B3GALT1: variants seen among roughly 807,000 people sequenced by gnomAD.
B3GALT1 encodes beta-1,3-galactosyltransferase 1.
In B3GALT1, 10 loss-of-function variants were observed where a neutral mutation model predicts 23.2. The observed-to-expected ratio is 0.43, with a 90% confidence interval of 0.27 to 0.73. The LOEUF (loss-of-function observed/expected upper bound fraction) is 0.73, where lower values mean the gene tolerates loss of function less well. Among genes scored for constraint, B3GALT1 ranks in the 30% least tolerant of loss-of-function variants. B3GALT1 has a pLI of 0.21. For missense variants in B3GALT1, 299 were observed against 405.4 expected (o/e 0.74, Z 2.25); for synonymous variants, 156 against 141.5 (o/e 1.10, Z -0.73).
intron 4 of B3GALT1, among the ~76,000 whole-genome samples, chr2:167,830,337 T>C (rs1234533920): frequency 6.6e-6 from 1 of 151,274 alleles, no homozygotes; most frequent in Non-Finnish European, 1.5e-5. Flanking sequence ...GGAAAGACAT[T>C]AAGCGGGAAC....
At chr2:167,568,710 G>A (rs185676814) in intron 2 of B3GALT1, among the ~76,000 whole-genome samples, 1 of 151,748 alleles carries the variant, frequency 6.6e-6, no homozygotes, top group Non-Finnish European at 1.5e-5. Context: ...TGTATTTCAG[G>A]GAAGTTTTAA....
chr2:167,701,705 A>C lies in B3GALT1; in HGVS notation c.-352+54739A>C, dbSNP rs569039265. 2.0e-5 allele frequency among the ~76,000 whole-genome samples: 3 copies of C among 152,370 alleles called. No homozygotes were observed. In the South Asian group the frequency reaches 6.2e-4, roughly 32 times the overall value. The stretch of plus-strand genomic sequence containing the variant: ...TTATAATATAAATCAGTGGTTCTGC[A>C]TAATTGCAAATAAAATGCAGTATGG... On this transcript the variant is annotated intron_variant, in intron 3 of 4. Transcript: ENST00000392690.
chr2:167,484,503 A>G (rs906109049), intron 1 of B3GALT1, among the ~76,000 whole-genome samples: 2 of 152,152 alleles, frequency 1.3e-5, no homozygotes, highest in Admixed American at 1.3e-4. Context: ...TTGAATCCAT[A>G]AAAGTGGGAC....
Position 167,793,577 on chromosome 2 carries a change from G to A in B3GALT1, c.-351-25095G>A, listed in dbSNP as rs772260261. ...TTCTTCCACATTTCCAATTGTGTAG[G>A]CAAGGTGCATGGAGGAAAAGGAAAA... On this transcript the variant is annotated intron_variant, in intron 3 of 4. Transcript: ENST00000392690. Among the ~76,000 whole-genome samples, 58 of 151,866 alleles carry A rather than the reference G, an allele frequency of 3.8e-4. 1 individual carries two copies. The highest frequency in any genetic ancestry group is 5.7e-4 in the Non-Finnish European group (39 of 67,992).
At chr2:167,533,150 T>G (rs1006036898) in intron 2 of B3GALT1, among the ~76,000 whole-genome samples, 1 of 152,106 alleles carries the variant, frequency 6.6e-6, no homozygotes, top group African/African-American at 2.4e-5. Flanking sequence ...CATGAGCTAC[T>G]GCACCTGGCT....
chr2:167,703,394 G>A (rs891876315), intron 3 of B3GALT1, among the ~76,000 whole-genome samples: 5 of 152,136 alleles, frequency 3.3e-5, no homozygotes, highest in African/African-American at 9.7e-5. Flanking sequence ...GGAGTTTGGT[G>A]TATGAGCCCC....
intron 4 of B3GALT1, among the ~76,000 whole-genome samples, chr2:167,867,206 G>A (rs536019902): frequency 3.6e-4 from 55 of 152,276 alleles, no homozygotes; most frequent in East Asian, 7.7e-4. Context: ...GATTACAGGC[G>A]TGAGCCACCG....
At chr2:167,544,740 T>C (rs1050684578) in intron 2 of B3GALT1, among the ~76,000 whole-genome samples, 5 of 152,148 alleles carry the variant, frequency 3.3e-5, no homozygotes, top group Non-Finnish European at 5.9e-5. Context: ...GCCGACGTTG[T>C]CTGACACCAA....
chr2:167,495,404 G>C (rs1444329370), intron 2 of B3GALT1, among the ~76,000 whole-genome samples: 1 of 143,772 alleles, frequency 7.0e-6, no homozygotes, highest in African/African-American at 2.6e-5. Context: ...CACAATCTCA[G>C]CTCACTGCAA....
At chr2:167,774,358 T>C (rs1282855694) in intron 3 of B3GALT1, among the ~76,000 whole-genome samples, 1 of 152,144 alleles carries the variant, frequency 6.6e-6, no homozygotes, top group African/African-American at 2.4e-5. Flanking sequence ...ACAGGTAAGA[T>C]TGAAGAATCA....
At chr2:167,330,666 C>G (rs1180696975) in intron 1 of B3GALT1, among the ~76,000 whole-genome samples, 1 of 152,170 alleles carries the variant, frequency 6.6e-6, no homozygotes, top group East Asian at 1.9e-4. Flanking sequence ...ATGAATTCTT[C>G]AGTTCCAGAG....
chr2:167,299,525 G>A (rs891947042), intron 1 of B3GALT1, among the ~76,000 whole-genome samples: 1 of 152,114 alleles, frequency 6.6e-6, no homozygotes, highest in Non-Finnish European at 1.5e-5. Flanking sequence ...TGAGGAATTA[G>A]ATGAAAAATA....
At chr2:167,753,775 T>G (rs1019364532) in intron 3 of B3GALT1, among the ~76,000 whole-genome samples, 6 of 152,126 alleles carry the variant, frequency 3.9e-5, no homozygotes, top group African/African-American at 1.4e-4. Context: ...CAGCCCAGTG[T>G]GGGGGTTCTG....
intron 1 of B3GALT1, among the ~76,000 whole-genome samples, chr2:167,478,223 A>G (rs1365904636): frequency 3.9e-5 from 6 of 152,168 alleles, no homozygotes; most frequent in East Asian, 1.9e-4. Context: ...TCTCCCTTCA[A>G]CCTTCATTCA....
chr2:167,389,956 C>T (rs1013077952), intron 1 of B3GALT1, among the ~76,000 whole-genome samples: 13 of 150,450 alleles, frequency 8.6e-5, no homozygotes, highest in Admixed American at 6.0e-4. Flanking sequence ...AGAAAACCAT[C>T]GCATGAGAAG....
chr2:167,591,121 A>G lies in B3GALT1; in HGVS notation c.-409-55788A>G, dbSNP rs145039678. Among the ~76,000 whole-genome samples, 1,083 of 152,314 alleles carry G rather than the reference A, an allele frequency of 7.1e-3. 16 individuals carry two copies. Among genetic ancestry groups the G allele is most frequent in the African/African-American group, 0.025 (1,029 of 41,562 alleles). On this transcript the variant is annotated intron_variant, in intron 2 of 4. Transcript: ENST00000392690. ...AAAAAGATAAATAAGTGAAATAAATAAATCTGATGTTGCTAAGTACAGTGG... is the reference window on the plus strand; with the variant it reads ...AAAAAGATAAATAAGTGAAATAAATGAATCTGATGTTGCTAAGTACAGTGG...
At chr2:167,611,511 A>G (rs1203113359) in intron 2 of B3GALT1, among the ~76,000 whole-genome samples, 4 of 152,010 alleles carry the variant, frequency 2.6e-5, no homozygotes, top group Non-Finnish European at 5.9e-5. Context: ...TTTTGCATTA[A>G]ACGCAAAAAC....
At chr2:167,593,691 CA>C (rs985329596) in intron 2 of B3GALT1, among the ~76,000 whole-genome samples, 1 of 152,120 alleles carries the variant, frequency 6.6e-6, no homozygotes, top group Admixed American at 6.5e-5. Context: ...AATGAAAATC[CA>C]ACAGCATGAA....
intron 2 of B3GALT1, among the ~76,000 whole-genome samples, chr2:167,561,576 A>T (rs1482284485): frequency 6.6e-6 from 1 of 152,178 alleles, no homozygotes; most frequent in Non-Finnish European, 1.5e-5. Context: ...AATGAAGAAA[A>T]AAAGAGAGAA....
Sources: allele counts gnomAD v4.1 joint callset (sites outside exome capture counted in the v4.1 genomes callset), GRCh38; gene constraint gnomAD v4.1.1; transcripts MANE v1.5; gene names NCBI Gene and HGNC (gene_info 2026-07-23, HGNC 2026-07-21).